The following TTLL7 variants were observed in gnomAD, a reference collection of about 807,000 sequenced individuals.
The protein encoded by TTLL7 is tubulin tyrosine ligase like 7, also known as tubulin polyglutamylase TTLL7.
TTLL7 carries 53 observed loss-of-function variants against 120.2 expected under a neutral mutation model. That is an observed-to-expected ratio of 0.44 (90% CI 0.35 to 0.55). The LOEUF (loss-of-function observed/expected upper bound fraction) is 0.55. Among genes scored for constraint, TTLL7 ranks in the 20% least tolerant of loss-of-function variants. The pLI is 0.00. For missense variants in TTLL7, 803 were observed against 1,054.7 expected (o/e 0.76, Z 3.31); for synonymous variants, 353 against 351.7 (o/e 1.00, Z -0.04).
At position 83,868,177 on chromosome 1, in the gene TTLL7, G is replaced by A. The variant is rs530873512; in HGVS notation, c.*1785C>T. 7 of 152,266 alleles carry A rather than the reference G, an allele frequency of 4.6e-5. No homozygotes were observed. The South Asian group carries it at 1.5e-3, about 32-fold the overall frequency. 9.4% of individuals were successfully genotyped at this position (152,266 alleles called of 1,614,324 possible). A position where few individuals can be genotyped will look rare whatever the true frequency, so the allele number is the denominator to read the frequency against. ...TTCTTCAGGCTGTGAATTAAACCAG[G>A]CCAATTTGCCCCTCTCAGTTCTCCT... On this transcript the variant is annotated 3_prime_UTR_variant, in exon 21 of 21. Coordinates refer to ENST00000260505, the MANE Select transcript of TTLL7 (RefSeq NM_024686.6).
At position 83,907,535 on chromosome 1, in the gene TTLL7, G is replaced by A; in HGVS notation, c.1913C>T (p.Ser638Leu). ...GGAGGAAGCACGGTTTAAGGAATGT[G>A]ACCGAGATGCAGAAGTTGGCCGTGA... ...SVSRPTSASR[S>L]HSLNRASSYM... The change falls in exon 16 of 21, where the codon TCA (serine) becomes TTA (leucine). Residue 638 changes from serine to leucine, a missense_variant. By Grantham distance (145) the Ser-to-Leu change is moderately radical. Transcript: ENST00000260505. The A allele has an allele frequency of 1.9e-6, 3 of 1,613,304 alleles. No homozygotes were observed. Among genetic ancestry groups the A allele is most frequent in the Non-Finnish European group, 2.5e-6 (3 of 1,179,520 alleles).
intron 1 of TTLL7, among the ~76,000 whole-genome samples, chr1:83,959,259 G>A (rs1300866745): frequency 6.6e-6 from 1 of 152,160 alleles, no homozygotes; most frequent in African/African-American, 2.4e-5. Flanking sequence ...ATCTGATGCA[G>A]GCTAAAGCTC....
intron 1 of TTLL7, among the ~76,000 whole-genome samples, chr1:83,954,262 T>G (rs766155707): frequency 3.3e-5 from 5 of 152,266 alleles, no homozygotes; most frequent in Non-Finnish European, 5.9e-5. Context: ...AATGGCTGAT[T>G]TGTACAGAGT....
At chr1:83,882,478 G>T (rs1654603951) in intron 20 of TTLL7, among the ~76,000 whole-genome samples, 1 of 151,784 alleles carries the variant, frequency 6.6e-6, no homozygotes, top group Non-Finnish European at 1.5e-5. Context: ...ATTTTAACTG[G>T]ATATTTATGA....
chr1:83,996,922 G>A (rs1653536258), intron 1 of TTLL7, among the ~76,000 whole-genome samples: 1 of 150,772 alleles, frequency 6.6e-6, no homozygotes, highest in East Asian at 1.9e-4. Flanking sequence ...ATTCATGCCA[G>A]TTCTGCTGTC....
intron 14 of TTLL7, 100 bp downstream of exon 14, chr1:83,917,504 G>T: frequency 1.2e-6 from 1 of 822,154 alleles, no homozygotes. Context: ...AGTCCCTGTG[G>T]TTCCTTTTTT....
At chr1:83,889,193 G>T (rs1227919699) in intron 19 of TTLL7, among the ~76,000 whole-genome samples, 1 of 152,020 alleles carries the variant, frequency 6.6e-6, no homozygotes, top group Non-Finnish European at 1.5e-5. Context: ...AAGGAGAAGT[G>T]CCAAGTAAAA....
intron 7 of TTLL7, among the ~76,000 whole-genome samples, chr1:83,940,288 T>C (rs1647830597): frequency 6.6e-6 from 1 of 152,164 alleles, no homozygotes; most frequent in African/African-American, 2.4e-5. Flanking sequence ...TATAAAAAGA[T>C]CACTCCCACC....
intron 1 of TTLL7, among the ~76,000 whole-genome samples, chr1:83,994,118 A>G (rs1354801392): frequency 6.6e-6 from 1 of 152,234 alleles, no homozygotes; most frequent in African/African-American, 2.4e-5. Flanking sequence ...GTTAATGTCC[A>G]GCTTCTATCA....
At chr1:83,983,794 T>TA (rs903993250) in intron 1 of TTLL7, 1 of 152,126 alleles carries the variant, frequency 6.6e-6, no homozygotes, top group African/African-American at 2.4e-5. Flanking sequence ...ATAATTTTGT[T>TA]AAAAAATGGG....
intron 1 of TTLL7, among the ~76,000 whole-genome samples, chr1:83,989,888 A>G (rs1056662907): frequency 2.6e-5 from 4 of 151,840 alleles, no homozygotes; most frequent in African/African-American, 9.7e-5. Context: ...CACCTCCTTG[A>G]TTAGATGTAT....
At chr1:83,962,863 T>C (rs1005650247) in intron 1 of TTLL7, among the ~76,000 whole-genome samples, 3 of 152,136 alleles carry the variant, frequency 2.0e-5, no homozygotes, top group African/African-American at 7.2e-5. Flanking sequence ...ACCACCTAGC[T>C]CCAGAGAAAG....
At chr1:83,959,630 C>T (rs142286219) in intron 1 of TTLL7, among the ~76,000 whole-genome samples, 155 of 152,222 alleles carry the variant, frequency 1.0e-3, no homozygotes, top group Non-Finnish European at 1.8e-3. Context: ...CCAACACACT[C>T]ATTTTGTAGA....
chr1:83,873,895 T>C (rs899188256), intron 20 of TTLL7, among the ~76,000 whole-genome samples: 1 of 152,098 alleles, frequency 6.6e-6, no homozygotes, highest in Non-Finnish European at 1.5e-5. Flanking sequence ...TAGGACCTGG[T>C]TTGGAAAACT....
chr1:83,917,507 C>A, intron 14 of TTLL7, 97 bp downstream of exon 14: 1 of 847,806 alleles, frequency 1.2e-6, no homozygotes, highest in Non-Finnish European at 1.9e-6. Context: ...CCCTGTGGTT[C>A]CTTTTTTAAA....
chr1:83,904,809 CTTTGT>C, intron 17 of TTLL7, among the ~76,000 whole-genome samples: 1 of 152,136 alleles, frequency 6.6e-6, no homozygotes, highest in South Asian at 2.1e-4. Flanking sequence ...AATTCTACTA[CTTTGT>C]TTTATTTTTG....
intron 1 of TTLL7, among the ~76,000 whole-genome samples, chr1:83,971,005 G>C (rs1650924291): frequency 6.6e-6 from 1 of 151,980 alleles, no homozygotes; most frequent in African/African-American, 2.4e-5. Flanking sequence ...TTCTGGGAGG[G>C]GGAAGGGAAT....
intron 1 of TTLL7, among the ~76,000 whole-genome samples, chr1:83,959,879 T>C (rs968614395): frequency 6.6e-6 from 1 of 152,274 alleles, no homozygotes; most frequent in Non-Finnish European, 1.5e-5. Flanking sequence ...ATACATACAG[T>C]ATATTATTTA....
Position 83,949,816 on chromosome 1 carries a change from T to G in TTLL7, c.279+49A>C, listed in dbSNP as rs1374325135. 2.5e-6 allele frequency: 4 copies of G among 1,599,644 alleles called. No homozygotes were observed. In the East Asian group the frequency reaches 6.7e-5, roughly 27 times the overall value. ...ACCTATCTAAAAAAGTTATGTGGAA[T>G]CCATATAACTTTCCTCATACCACTA... is the stretch of plus-strand genomic sequence containing the variant. On this transcript the variant is annotated intron_variant, in intron 4 of 20. Transcript: ENST00000260505.
Sources: allele counts gnomAD v4.1 joint callset (sites outside exome capture counted in the v4.1 genomes callset), GRCh38; gene constraint gnomAD v4.1.1; transcripts MANE v1.5; gene names NCBI Gene and HGNC (gene_info 2026-07-23, HGNC 2026-07-21).